Variants in RHOT1 observed in about 807,000 individuals in gnomAD.
The protein encoded by RHOT1 is mitochondrial Rho GTPase 1.
A neutral mutation model predicts 95.3 loss-of-function variants in RHOT1; 27 were observed. The ratio of observed to expected loss-of-function variants is 0.28; its 90% CI spans 0.21 to 0.39. RHOT1 has a LOEUF of 0.39. RHOT1 is among the 10% of genes least tolerant of loss of function. The pLI is 1.00. For synonymous variants in RHOT1, 227 were observed against 263.5 expected, an observed-to-expected ratio of 0.86 and a Z score of 1.34; for missense variants, 578 against 786.7, an observed-to-expected ratio of 0.73 and a Z score of 3.17.
chr17:32,221,318 A>G (rs538455087), intron 19 of RHOT1: 2 of 150,424 alleles, frequency 1.3e-5, no homozygotes, highest in Non-Finnish European at 2.9e-5. Context: ...CAGTTTGCTG[A>G]GATCGCATCA....
chr17:32,169,539 C>T (rs899791015), intron 1 of RHOT1, among the ~76,000 whole-genome samples: 6 of 152,102 alleles, frequency 3.9e-5, no homozygotes, highest in African/African-American at 1.2e-4. Context: ...TGTAGAGATG[C>T]AGAGAAATGA....
chr17:32,186,589 TCTC>T (rs2036072628), intron 8 of RHOT1, among the ~76,000 whole-genome samples: 2 of 151,992 alleles, frequency 1.3e-5, no homozygotes, highest in South Asian at 4.2e-4. Context: ...ATGGTCTTGA[TCTC>T]CTGACCTCGT....
chr17:32,143,125 C>T, intron 1 of RHOT1: 4 of 550,184 alleles, frequency 7.3e-6, no homozygotes, highest in South Asian at 4.6e-5. Context: ...TTCTTGTCTT[C>T]TGGAGATTCC....
At chr17:32,185,509 C>T (rs925116284) in intron 8 of RHOT1, among the ~76,000 whole-genome samples, 10 of 152,016 alleles carry the variant, frequency 6.6e-5, no homozygotes, top group African/African-American at 1.7e-4. Flanking sequence ...CTGGCTTCAA[C>T]GATCCTCCCA....
intron 2 of RHOT1, among the ~76,000 whole-genome samples, chr17:32,172,484 A>T (rs1396964497): frequency 3.3e-5 from 5 of 152,206 alleles, no homozygotes; most frequent in African/African-American, 1.2e-4. Flanking sequence ...AGTAATCTAG[A>T]AGGGTTTTTA....
chr17:32,212,770 A>G (rs1440288511), intron 19 of RHOT1, among the ~76,000 whole-genome samples: 1 of 152,014 alleles, frequency 6.6e-6, no homozygotes, highest in East Asian at 1.9e-4. Context: ...CCTCTTCAAC[A>G]TAGCAATCCT....
rs761992043 is a variant in RHOT1 at position 32,206,892 on chromosome 17, A to G, written c.1417-18A>G. On this transcript the variant is annotated intron_variant, in intron 16 of 19. Coordinates refer to ENST00000545287, the MANE Select transcript of RHOT1 (RefSeq NM_001033566.3). ...TATTATGATACTTATATTTTTCATTATCTTTTTCTTTTACAAGTTGCATGA... is the reference window on the plus strand; with the variant it reads ...TATTATGATACTTATATTTTTCATTGTCTTTTTCTTTTACAAGTTGCATGA... 2.0e-6 allele frequency: 3 copies of G among 1,514,938 alleles called. No homozygotes were observed. The highest frequency in any genetic ancestry group is 1.2e-5 in the South Asian group (1 of 86,682). The allele number at this position is 1,514,938 out of a possible 1,614,324, so 93.8% of individuals were successfully genotyped here.
chr17:32,203,269 CTTTTTTTTTT>C (rs940216011), intron 15 of RHOT1, among the ~76,000 whole-genome samples: 1 of 72,328 alleles, frequency 1.4e-5, no homozygotes, highest in Non-Finnish European at 2.5e-5. Context: ...TCTTCTTCTT[CTTTTTTTTTT>C]TTTTTTTTTT....
chr17:32,210,979 T>C (rs2038090098), intron 18 of RHOT1, 137 bp from the exon 19 acceptor site: 1 of 654,660 alleles, frequency 1.5e-6, no homozygotes, highest in Non-Finnish European at 2.4e-6. Flanking sequence ...AACTTTAGCA[T>C]GCCCCATACT....
Position 32,172,601 on chromosome 17 carries a change from G to C in RHOT1, c.97-1230G>C, listed in dbSNP as rs528220907. On this transcript the variant is annotated intron_variant, in intron 2 of 19. Coordinates refer to ENST00000545287, the MANE Select transcript of RHOT1 (RefSeq NM_001033566.3). ...TAATCCCAGCACTTTGGGAGGCTGA[G>C]GTGGCCGGATCACTTGAGGTCAGGA... Among the ~76,000 whole-genome samples the C allele has an allele frequency of 5.4e-4, 83 of 152,368 alleles. 1 individual carries two copies. The highest frequency in any genetic ancestry group is 9.3e-4 in the Non-Finnish European group (63 of 68,040).
Position 32,175,945 on chromosome 17 carries a change from GTTAA to G in RHOT1, c.223-14_223-11del. On this transcript the variant is annotated splice_polypyrimidine_tract_variant and intron_variant, in intron 4 of 19. Coordinates refer to ENST00000545287, the MANE Select transcript of RHOT1 (RefSeq NM_001033566.3). ...TATTATTTTTAGATACGATTAATTTGTTAATTTTTCTTCTAGGCTAATGTCATCT... is the reference window on the plus strand; with the variant it reads ...TATTATTTTTAGATACGATTAATTTGTTTTTCTTCTAGGCTAATGTCATCT... The G allele has an allele frequency of 6.7e-7, 1 of 1,503,056 alleles. No individual in the cohort carries two copies. 93.1% of individuals were successfully genotyped at this position (1,503,056 alleles called of 1,614,324 possible).
At chr17:32,223,221 GTTCTC>G (rs2038937512) in intron 19 of RHOT1, among the ~76,000 whole-genome samples, 1 of 151,752 alleles carries the variant, frequency 6.6e-6, no homozygotes, top group African/African-American at 2.4e-5. Context: ...TAACTAATCT[GTTCTC>G]TTTGACTATT....
chr17:32,189,402 T>C (rs377035707), intron 8 of RHOT1, among the ~76,000 whole-genome samples: 1 of 152,228 alleles, frequency 6.6e-6, no homozygotes. Flanking sequence ...GAAACAGTCT[T>C]AATACTGTGG....
intron 1 of RHOT1, among the ~76,000 whole-genome samples, chr17:32,155,907 G>A (rs1038859622): frequency 6.6e-6 from 1 of 152,260 alleles, no homozygotes; most frequent in African/African-American, 2.4e-5. Flanking sequence ...CCTATCATAA[G>A]TGAAGGAGCA....
intron 1 of RHOT1, among the ~76,000 whole-genome samples, chr17:32,149,659 G>GTA (rs1312861569): frequency 1.5e-5 from 2 of 131,658 alleles, no homozygotes; most frequent in South Asian, 2.3e-4. Context: ...GTGTGTGTGT[G>GTA]TGTATACACA....
rs71362807 is a variant in RHOT1, at chr17:32,189,736, C to CTTTTTTTT, written c.541-2454_541-2447dup. ...ACAACAATATCTTTTCTTTTCTTTT[C>CTTTTTTTT]TTTTTTTTTTTTTTTTTTGAGATGG... On this transcript the variant is annotated intron_variant, in intron 8 of 19. Transcript: ENST00000545287. Among the ~76,000 whole-genome samples, 10 of 124,396 alleles carry CTTTTTTTT rather than the reference C, an allele frequency of 8.0e-5. 1 individual carries two copies. Among genetic ancestry groups the CTTTTTTTT allele is most frequent in the South Asian group, 2.6e-4 (1 of 3,908 alleles). 81.6% of individuals were successfully genotyped at this position (124,396 alleles called of 152,430 possible).
At chr17:32,154,699 C>G (rs1198441728) in intron 1 of RHOT1, among the ~76,000 whole-genome samples, 1 of 151,412 alleles carries the variant, frequency 6.6e-6, no homozygotes. Context: ...TCGAGGCCAG[C>G]CTGGCCAACA....
chr17:32,208,045 T>A, intron 17 of RHOT1, 62 bp from the exon 18 acceptor site: 1 of 1,454,120 alleles, frequency 6.9e-7, no homozygotes. Context: ...TTGGTTCACA[T>A]TTAATTAAAT....
chr17:32,206,990 C>G lies in RHOT1; in HGVS notation c.1497C>G (p.Ser499Arg), dbSNP rs775014783. 6.2e-7 allele frequency: 1 copy of G among 1,613,006 alleles called. No homozygotes were observed. The highest frequency in any genetic ancestry group is 1.7e-5 in the Admixed American group (1 of 59,930). ...CDVVCLVYDVSNPKSFEYCAR... is the reference protein window; with the variant it reads ...CDVVCLVYDVRNPKSFEYCAR... ...TTGTATGCCTGGTATATGATGTCAG[C>G]AATCCCAAATCCTTTGAATACTGTG... Residue 499 changes from serine (S) to arginine (R), a missense_variant, in exon 17 of 20, where the codon AGC becomes AGG. Physicochemically the swap from Ser to Arg is moderately radical, Grantham distance 110 (BLOSUM62 -1). Around this residue, in one of 4 missense-constraint regions of RHOT1, gnomAD observed 296 missense variants for 338.5 expected, o/e 0.87. Coordinates refer to ENST00000545287, the MANE Select transcript of RHOT1 (RefSeq NM_001033566.3).
Sources: gnomAD v4.1 joint callset for allele counts (sites outside exome capture counted in the v4.1 genomes callset) on GRCh38, gnomAD v4.1.1 for gene constraint, gnomAD v4.1.1 regional missense constraint, MANE v1.5 for transcripts, NCBI Gene and HGNC (gene_info 2026-07-23, HGNC 2026-07-21) for gene names.